HPSE2: variants seen among roughly 807,000 people sequenced by gnomAD.
HPSE2 encodes the protein inactive heparanase-2.
HPSE2 carries 38 observed loss-of-function variants against 60.5 expected under a neutral mutation model. The observed-to-expected ratio is 0.63, with a 90% CI of 0.48 to 0.82. The LOEUF (loss-of-function observed/expected upper bound fraction) is 0.82. Ranked by LOEUF, HPSE2 falls within the 40% of genes least tolerant of loss-of-function variation. The probability of loss-of-function intolerance (pLI) is 0.00; values close to 1 mark genes in which losing one functional copy is unlikely to be tolerated. For missense variants in HPSE2, 713 were observed against 740.4 expected (o/e 0.96, Z 0.43); for synonymous variants, 295 against 293.2 (o/e 1.01, Z -0.06).
At chr10:98,596,151 C>T (rs7904839) in intron 9 of HPSE2, among the ~76,000 whole-genome samples, 8,530 of 152,082 alleles carry the variant, frequency 0.056, 683 homozygotes, top group African/African-American at 0.17. Flanking sequence ...GGAATATTGG[C>T]CTATATTTTC....
At chr10:98,973,759 C>T (rs1403092672) in intron 3 of HPSE2, among the ~76,000 whole-genome samples, 2 of 151,232 alleles carry the variant, frequency 1.3e-5, no homozygotes, top group Non-Finnish European at 2.9e-5. Context: ...GAGTTTTTCA[C>T]TGGAATTTTC....
intron 3 of HPSE2, among the ~76,000 whole-genome samples, chr10:98,952,314 T>TTGTGTGTGTGTGTG (rs59116303): frequency 7.3e-5 from 10 of 137,412 alleles, no homozygotes; most frequent in African/African-American, 2.2e-4. Context: ...AAGAATTTGT[T>TTGTGTGTGTGTGTG]TGTGTGTGTG....
intron 3 of HPSE2, among the ~76,000 whole-genome samples, chr10:99,017,865 C>A (rs1957177295): frequency 6.6e-6 from 1 of 152,152 alleles, no homozygotes; most frequent in South Asian, 2.1e-4. Context: ...TCATGCCAGG[C>A]ACCATGCTTA....
At chr10:99,163,923 G>A (rs543596696) in intron 2 of HPSE2, among the ~76,000 whole-genome samples, 1 of 151,718 alleles carries the variant, frequency 6.6e-6, no homozygotes, top group African/African-American at 2.4e-5. Context: ...TCTTATTAAT[G>A]GTGACATTAA....
At chr10:99,217,604 C>T (rs558839732) in intron 2 of HPSE2, among the ~76,000 whole-genome samples, 2 of 151,982 alleles carry the variant, frequency 1.3e-5, no homozygotes, top group Non-Finnish European at 2.9e-5. Context: ...TGTGCTGCTG[C>T]TTGTTTGTTT....
At chr10:99,220,156 G>C (rs1400738454) in intron 2 of HPSE2, among the ~76,000 whole-genome samples, 1 of 152,050 alleles carries the variant, frequency 6.6e-6, no homozygotes, top group African/African-American at 2.4e-5. Flanking sequence ...CCCAAAGAAT[G>C]TACTATAGTT....
chr10:99,000,989 C>A (rs543160374), intron 3 of HPSE2, among the ~76,000 whole-genome samples: 2 of 151,986 alleles, frequency 1.3e-5, no homozygotes, highest in African/African-American at 4.8e-5. Flanking sequence ...TAGACTTGTC[C>A]ACCCCATTCC....
rs144752630 is a variant in HPSE2 at position 98,825,944 on chromosome 10, CTAAAT to C, written c.611-81893_611-81889del. Among the ~76,000 whole-genome samples, 1,184 of 152,282 alleles carry C rather than the reference CTAAAT, an allele frequency of 7.8e-3. 6 individuals carry two copies. The highest frequency in any genetic ancestry group is 0.013 in the Non-Finnish European group (909 of 68,026). On this transcript the variant is annotated intron_variant, in intron 3 of 11. Coordinates refer to ENST00000370552, the MANE Select transcript of HPSE2 (RefSeq NM_021828.5). ...GGATTCTTGATGATGTCTCTGACCACTAAATTAACCAGCCAGAACCACCCTACTTC... is the reference window on the plus strand; with the variant it reads ...GGATTCTTGATGATGTCTCTGACCACTAACCAGCCAGAACCACCCTACTTC...
At chr10:99,167,132 T>G (rs1166387074) in intron 2 of HPSE2, among the ~76,000 whole-genome samples, 1 of 152,090 alleles carries the variant, frequency 6.6e-6, no homozygotes, top group African/African-American at 2.4e-5. Flanking sequence ...TGTCTCAGCC[T>G]CCCTAGTAGA....
chr10:99,294,759 C>A, the HPSE2 span, among the ~76,000 whole-genome samples: 1 of 151,922 alleles, frequency 6.6e-6, no homozygotes, highest in Non-Finnish European at 1.5e-5. Flanking sequence ...CATAGTGCAA[C>A]CCTGTCTCTA....
chr10:98,818,859 T>A (rs1346475094), intron 3 of HPSE2, among the ~76,000 whole-genome samples: 1 of 152,188 alleles, frequency 6.6e-6, no homozygotes, highest in Non-Finnish European at 1.5e-5. Context: ...TCTAAATAGG[T>A]TCACCTTGAA....
intron 6 of HPSE2, among the ~76,000 whole-genome samples, chr10:98,682,543 CATG>C (rs1189732176): frequency 6.6e-6 from 1 of 152,150 alleles, no homozygotes; most frequent in Non-Finnish European, 1.5e-5. Flanking sequence ...TGCTTACCCT[CATG>C]ATCAGGTGGC....
Position 98,946,854 on chromosome 10 carries a change from C to G in HPSE2, c.610+197384G>C, listed in dbSNP as rs141583945. Among the ~76,000 whole-genome samples the G allele has an allele frequency of 3.0e-4, 46 of 152,134 alleles. 1 individual carries two copies. Among genetic ancestry groups the G allele is most frequent in the African/African-American group, 1.1e-3 (44 of 41,504 alleles). On this transcript the variant is annotated intron_variant, in intron 3 of 11. Coordinates refer to ENST00000370552, the MANE Select transcript of HPSE2 (RefSeq NM_021828.5). Reference sequence around the variant, plus strand: ...TTGTGGTGAGCTCAAGAGTTGTATTCCGTTAAAACACCATGTGAGGCTAAT... The same window carrying G: ...TTGTGGTGAGCTCAAGAGTTGTATTGCGTTAAAACACCATGTGAGGCTAAT...
intron 3 of HPSE2, among the ~76,000 whole-genome samples, chr10:99,115,158 T>TG (rs1289058141): frequency 6.7e-6 from 1 of 149,652 alleles, no homozygotes; most frequent in Non-Finnish European, 1.5e-5. Context: ...TAAATGTGTT[T>TG]TTTTTTTTTT....
At chr10:99,235,464 G>A in intron 1 of HPSE2, 49 bp downstream of exon 1, 1 of 1,535,624 alleles carries the variant, frequency 6.5e-7, no homozygotes, top group Non-Finnish European at 9.0e-7. Context: ...AGGGCTTGAG[G>A]GGGTGTTACT....
chr10:98,743,852 T>C, intron 4 of HPSE2, 31 bp downstream of exon 4: 1 of 1,591,330 alleles, frequency 6.3e-7, no homozygotes, highest in African/African-American at 1.3e-5. Flanking sequence ...CTTTATTTTG[T>C]CAATTCAGAG....
At position 98,490,111 on chromosome 10, in the gene HPSE2, C is replaced by T. The variant is rs553832137; in HGVS notation, c.1406G>A (p.Arg469Gln). Residue 469 changes from arginine (R) to glutamine (Q), a missense_variant, in exon 10 of 12, where the codon CGG (arginine) becomes CAG (glutamine). Physicochemically the swap from Arg to Gln is conservative, Grantham distance 43 (BLOSUM62 1). Coordinates refer to ENST00000370552, the MANE Select transcript of HPSE2 (RefSeq NM_021828.5). ...TTTGTCCCGGATCACTCGGCCAGGC[C>T]GTGGCTTCCGCTGGAGCCCAGCCAC... is the stretch of plus-strand genomic sequence containing the variant. Reference protein sequence around the residue: ...VHVAGLQRKPRPGRVIRDKLR... With the variant: ...VHVAGLQRKPQPGRVIRDKLR... 61 of 1,614,184 alleles carry T rather than the reference C, an allele frequency of 3.8e-5. No individual in the cohort carries two copies. Among genetic ancestry groups the T allele is most frequent in the Admixed American group, 8.3e-5 (5 of 60,028 alleles).
chr10:98,750,339 G>A (rs573315189), intron 3 of HPSE2, among the ~76,000 whole-genome samples: 8 of 152,194 alleles, frequency 5.3e-5, no homozygotes, highest in Non-Finnish European at 8.8e-5. Flanking sequence ...GACATGTCAC[G>A]AAGGGCCTTA....
At chr10:98,962,832 T>C (rs1288835605) in intron 3 of HPSE2, among the ~76,000 whole-genome samples, 3 of 151,578 alleles carry the variant, frequency 2.0e-5, no homozygotes, top group Non-Finnish European at 4.4e-5. Context: ...CCATTCACAA[T>C]TGCTTCAAAG....
Sources: allele counts gnomAD v4.1 joint callset (sites outside exome capture counted in the v4.1 genomes callset), GRCh38; gene constraint gnomAD v4.1.1; transcripts MANE v1.5; gene names NCBI Gene and HGNC (gene_info 2026-07-23, HGNC 2026-07-21).